EXOC4: variants seen among roughly 807,000 people sequenced by gnomAD.
EXOC4 encodes exocyst complex component 4.
In EXOC4, 71 loss-of-function variants were observed where a neutral mutation model predicts 107.2. That is an observed-to-expected ratio of 0.66 (90% CI 0.55 to 0.81). The LOEUF is 0.81. EXOC4 is among the 30% of genes least tolerant of loss of function. The probability of loss-of-function intolerance (pLI) is 0.00; values close to 1 mark genes in which losing one functional copy is unlikely to be tolerated. For synonymous variants in EXOC4, 456 were observed against 441.2 expected (o/e 1.03, Z -0.42); for missense variants, 1,108 against 1,189.6 (o/e 0.93, Z 1.01).
intron 11 of EXOC4, among the ~76,000 whole-genome samples, chr7:133,873,040 TG>T (rs544297227): frequency 2.4e-3 from 366 of 152,360 alleles, no homozygotes; most frequent in Non-Finnish European, 2.9e-3. Context: ...TTGGGCACAG[TG>T]GCTCACGCCT....
chr7:133,937,073 A>G (rs1800320884), intron 13 of EXOC4, among the ~76,000 whole-genome samples: 1 of 152,190 alleles, frequency 6.6e-6, no homozygotes, highest in African/African-American at 2.4e-5. Context: ...TAGGCAGAAC[A>G]GTTAACTGTT....
At chr7:133,960,248 G>A (rs768677536) in intron 14 of EXOC4, among the ~76,000 whole-genome samples, 7 of 152,130 alleles carry the variant, frequency 4.6e-5, no homozygotes, top group Non-Finnish European at 8.8e-5. Context: ...TTTAAACAAC[G>A]AATAAAACTG....
intron 6 of EXOC4, among the ~76,000 whole-genome samples, chr7:133,358,786 T>C (rs1325850366): frequency 6.6e-6 from 1 of 152,140 alleles, no homozygotes; most frequent in East Asian, 1.9e-4. Flanking sequence ...TTCATCTTTT[T>C]TTTTTTCCCC....
chr7:133,352,191 T>A (rs1379037402), intron 5 of EXOC4, among the ~76,000 whole-genome samples: 1 of 151,960 alleles, frequency 6.6e-6, no homozygotes, highest in Non-Finnish European at 1.5e-5. Context: ...CTGTTAGATC[T>A]AGTTGGTTGA....
At chr7:133,502,213 T>C (rs1388381762) in intron 9 of EXOC4, among the ~76,000 whole-genome samples, 1 of 151,956 alleles carries the variant, frequency 6.6e-6, no homozygotes, top group East Asian at 1.9e-4. Flanking sequence ...CTGAGATTGC[T>C]ATTAAGACAA....
intron 11 of EXOC4, among the ~76,000 whole-genome samples, chr7:133,877,470 C>A (rs927619476): frequency 3.3e-5 from 5 of 152,128 alleles, no homozygotes; most frequent in African/African-American, 1.2e-4. Context: ...TGCTTCTAGG[C>A]TTTATCAGAC....
At chr7:133,270,069 G>A (rs954412965) in intron 1 of EXOC4, among the ~76,000 whole-genome samples, 18 of 152,066 alleles carry the variant, frequency 1.2e-4, no homozygotes, top group Non-Finnish European at 1.9e-4. Flanking sequence ...TCTCTCCTGC[G>A]CTGCACTGTT....
chr7:133,429,076 G>C (rs1797793025), intron 7 of EXOC4, among the ~76,000 whole-genome samples: 2 of 152,152 alleles, frequency 1.3e-5, no homozygotes, highest in South Asian at 4.1e-4. Flanking sequence ...AATAGGGATT[G>C]AGGTGATTGA....
At chr7:134,057,049 G>T (rs1359285395) in intron 17 of EXOC4, among the ~76,000 whole-genome samples, 2 of 152,136 alleles carry the variant, frequency 1.3e-5, no homozygotes, top group African/African-American at 4.8e-5. Context: ...CCCCACCCCC[G>T]CAGTACTGCT....
At chr7:133,264,570 A>G (rs1793672271) in intron 1 of EXOC4, among the ~76,000 whole-genome samples, 1 of 152,088 alleles carries the variant, frequency 6.6e-6, no homozygotes, top group South Asian at 2.1e-4. Context: ...TAAAAGTGTA[A>G]TGTAGATTTG....
At chr7:133,780,471 G>C (rs1796441676) in intron 10 of EXOC4, among the ~76,000 whole-genome samples, 1 of 152,176 alleles carries the variant, frequency 6.6e-6, no homozygotes, top group African/African-American at 2.4e-5. Flanking sequence ...TCATTAAACA[G>C]CCTGATTCTT....
chr7:133,664,751 GT>G (rs1029838318), intron 10 of EXOC4, among the ~76,000 whole-genome samples: 1 of 152,052 alleles, frequency 6.6e-6, no homozygotes, highest in Non-Finnish European at 1.5e-5. Context: ...ATTAAGCTGT[GT>G]AATGATGAAC....
intron 9 of EXOC4, among the ~76,000 whole-genome samples, chr7:133,505,637 C>CAGA (rs1799652600): frequency 1.3e-5 from 2 of 152,060 alleles, no homozygotes; most frequent in Non-Finnish European, 2.9e-5. Flanking sequence ...AGTTAGATAT[C>CAGA]TCGTGCCCAT....
At chr7:133,735,794 A>T (rs1411279392) in intron 10 of EXOC4, among the ~76,000 whole-genome samples, 1 of 152,088 alleles carries the variant, frequency 6.6e-6, no homozygotes, top group African/African-American at 2.4e-5. Flanking sequence ...ACCATAAGAT[A>T]CTTATTTACT....
rs1414380790 is a variant in EXOC4 at position 134,017,717 on chromosome 7, G to C, written c.2687+9882G>C. 2.6e-5 allele frequency among the ~76,000 whole-genome samples: 4 copies of C among 152,256 alleles called. No individual in the cohort carries two copies. In the East Asian group the frequency reaches 7.7e-4, roughly 29 times the overall value. ...TACTGGTCTGCATATCCTTCACAGA[G>C]CACTTCAGAGCAATAAATACTTCTA... On this transcript the variant is annotated intron_variant, in intron 17 of 17. Coordinates refer to ENST00000253861, the MANE Select transcript of EXOC4 (RefSeq NM_021807.4).
chr7:133,414,804 G>C (rs1032381419), intron 7 of EXOC4, among the ~76,000 whole-genome samples: 1 of 152,066 alleles, frequency 6.6e-6, no homozygotes, highest in Non-Finnish European at 1.5e-5. Context: ...CCAATTCAAA[G>C]TATACAATTC....
At chr7:133,906,338 T>C (rs1333146692) in intron 12 of EXOC4, among the ~76,000 whole-genome samples, 1 of 152,312 alleles carries the variant, frequency 6.6e-6, no homozygotes, top group East Asian at 1.9e-4. Context: ...CTGGATTTCT[T>C]GGCCAACTAA....
intron 9 of EXOC4, among the ~76,000 whole-genome samples, chr7:133,488,960 T>C (rs1454502268): frequency 6.7e-6 from 1 of 149,034 alleles, no homozygotes; most frequent in Non-Finnish European, 1.5e-5. Context: ...AAGTCTAATA[T>C]AAATCTAATA....
At chr7:133,374,470 A>T (rs1796443378) in intron 6 of EXOC4, among the ~76,000 whole-genome samples, 1 of 152,208 alleles carries the variant, frequency 6.6e-6, no homozygotes. Flanking sequence ...AAATTACATG[A>T]ATTCCTTGGA....
Sources: allele counts gnomAD v4.1 joint callset (sites outside exome capture counted in the v4.1 genomes callset), GRCh38; gene constraint gnomAD v4.1.1; transcripts MANE v1.5; gene names NCBI Gene and HGNC (gene_info 2026-07-23, HGNC 2026-07-21).